Variants in SDK1 observed in about 807,000 individuals in gnomAD.
SDK1 encodes sidekick cell adhesion molecule 1.
In SDK1, 157 loss-of-function variants were observed where a neutral mutation model predicts 245.5. That is an observed-to-expected ratio of 0.64 (90% CI 0.56 to 0.73). The LOEUF is 0.73. Ranked by LOEUF, SDK1 falls within the 30% of genes least tolerant of loss-of-function variation. The probability of loss-of-function intolerance (pLI) is 0.00; values close to 1 mark genes in which losing one functional copy is unlikely to be tolerated. For synonymous variants in SDK1, 1,647 were observed against 1,278.5 expected, an observed-to-expected ratio of 1.29 and a Z score of -6.15; for missense variants, 3,583 against 3,002.3, an observed-to-expected ratio of 1.19 and a Z score of -4.52.
intron 5 of SDK1, among the ~76,000 whole-genome samples, chr7:3,914,653 T>A (rs1779303767): frequency 6.6e-6 from 1 of 152,180 alleles, no homozygotes; most frequent in African/African-American, 2.4e-5. Context: ...CAAAATGATT[T>A]TTTGCTTGAG....
At chr7:3,517,517 G>T (rs1049717058) in intron 1 of SDK1, among the ~76,000 whole-genome samples, 1 of 152,108 alleles carries the variant, frequency 6.6e-6, no homozygotes, top group African/African-American at 2.4e-5. Flanking sequence ...CTTCCTGCAG[G>T]AATGTATTGA....
At chr7:3,805,411 C>T (rs772635969) in intron 4 of SDK1, among the ~76,000 whole-genome samples, 1 of 152,174 alleles carries the variant, frequency 6.6e-6, no homozygotes, top group African/African-American at 2.4e-5. Context: ...GCGGGAGCCT[C>T]TTCAGGTTGA....
chr7:3,619,290 AATACTTGCCT>A, intron 2 of SDK1, 51 bp downstream of exon 2: 1 of 1,510,884 alleles, frequency 6.6e-7, no homozygotes, highest in Non-Finnish European at 9.2e-7. Context: ...ATGTGTTTGG[AATACTTGCCT>A]TACTGGTCAT....
intron 4 of SDK1, among the ~76,000 whole-genome samples, chr7:3,647,592 A>G (rs943609895): frequency 6.7e-6 from 1 of 150,352 alleles, no homozygotes; most frequent in Non-Finnish European, 1.5e-5. Context: ...ATGCCTGGCT[A>G]TTTTTTTTTG....
chr7:3,621,118 C>G (rs899627564), intron 2 of SDK1, among the ~76,000 whole-genome samples: 13 of 152,076 alleles, frequency 8.5e-5, no homozygotes, highest in African/African-American at 3.1e-4. Flanking sequence ...GTGTTGTGAG[C>G]ATTGAAGGCT....
chr7:3,323,631 T>C (rs1213511836), intron 1 of SDK1, among the ~76,000 whole-genome samples: 3 of 152,208 alleles, frequency 2.0e-5, no homozygotes, highest in Admixed American at 2.0e-4. Context: ...AAACCAGCAA[T>C]GGTGTGTCAG....
At chr7:3,623,234 G>A (rs1781999575) in intron 2 of SDK1, among the ~76,000 whole-genome samples, 1 of 146,898 alleles carries the variant, frequency 6.8e-6, no homozygotes, top group Non-Finnish European at 1.5e-5. Flanking sequence ...TGAATTTCAA[G>A]TGTTGTATTT....
chr7:3,880,941 G>C (rs150746950), intron 5 of SDK1, among the ~76,000 whole-genome samples: 121 of 152,178 alleles, frequency 8.0e-4, no homozygotes, highest in African/African-American at 2.8e-3. Flanking sequence ...TACACATGAG[G>C]TACCTGGGAT....
chr7:3,442,447 C>G (rs1780222257), intron 1 of SDK1, among the ~76,000 whole-genome samples: 1 of 152,142 alleles, frequency 6.6e-6, no homozygotes, highest in Non-Finnish European at 1.5e-5. Context: ...AAAGACAGTT[C>G]AGGACATATT....
intron 21 of SDK1, among the ~76,000 whole-genome samples, 156 bp from the exon 22 acceptor site, chr7:4,079,307 C>G (rs937556283): frequency 2.0e-5 from 3 of 152,188 alleles, no homozygotes; most frequent in African/African-American, 7.2e-5. Flanking sequence ...CCTGGGGAAG[C>G]TGTGCTGCTT....
intron 1 of SDK1, among the ~76,000 whole-genome samples, chr7:3,590,712 T>A (rs1222481569): frequency 6.6e-6 from 1 of 152,060 alleles, no homozygotes; most frequent in African/African-American, 2.4e-5. Context: ...TTAAAAATAC[T>A]GATAACAGAG....
intron 1 of SDK1, among the ~76,000 whole-genome samples, chr7:3,355,185 A>T (rs1186058222): frequency 6.6e-6 from 1 of 152,252 alleles, no homozygotes; most frequent in Non-Finnish European, 1.5e-5. Context: ...ATATCTAAAA[A>T]TTGTGAATAT....
At chr7:4,134,559 G>C (rs1251093391) in intron 28 of SDK1, among the ~76,000 whole-genome samples, 2 of 152,214 alleles carry the variant, frequency 1.3e-5, no homozygotes, top group Non-Finnish European at 2.9e-5. Context: ...GCTGTCCCCA[G>C]CATGCTGTGA....
At chr7:4,164,448 G>T (rs1257161743) in intron 32 of SDK1, among the ~76,000 whole-genome samples, 1 of 152,072 alleles carries the variant, frequency 6.6e-6, no homozygotes, top group Non-Finnish European at 1.5e-5. Flanking sequence ...AGGGTCTCCG[G>T]TGGGAGGTTA....
At chr7:4,107,263 C>T (rs113723223) in intron 22 of SDK1, among the ~76,000 whole-genome samples, 5,733 of 152,080 alleles carry the variant, frequency 0.038, 278 homozygotes, top group African/African-American at 0.12. Flanking sequence ...AAGTTGAACC[C>T]GCCAGGCGTC....
chr7:3,971,439 C>T, intron 11 of SDK1, 27 bp from the exon 12 acceptor site: 1 of 1,523,436 alleles, frequency 6.6e-7, no homozygotes, highest in Non-Finnish European at 9.1e-7. Flanking sequence ...GTCATTTCGT[C>T]TGACTCGTGA....
At chr7:3,418,342 A>G (rs1216075845) in intron 1 of SDK1, among the ~76,000 whole-genome samples, 1 of 152,084 alleles carries the variant, frequency 6.6e-6, no homozygotes, top group Non-Finnish European at 1.5e-5. Context: ...CCAAGGCATT[A>G]TACTATGACT....
At chr7:3,770,954 C>T (rs1357192522) in intron 4 of SDK1, among the ~76,000 whole-genome samples, 1 of 152,164 alleles carries the variant, frequency 6.6e-6, no homozygotes, top group East Asian at 1.9e-4. Context: ...GCCAGTTTTC[C>T]TGCTTATTCA....
At chr7:3,429,616 T>TC (rs1779773786) in intron 1 of SDK1, among the ~76,000 whole-genome samples, 1 of 149,808 alleles carries the variant, frequency 6.7e-6, no homozygotes, top group African/African-American at 2.5e-5. Flanking sequence ...TTTTTTTTTT[T>TC]GTCAGGGTCT....
Sources: allele counts gnomAD v4.1 joint callset (sites outside exome capture counted in the v4.1 genomes callset), GRCh38; gene constraint gnomAD v4.1.1; transcripts MANE v1.5; gene names NCBI Gene and HGNC (gene_info 2026-07-23, HGNC 2026-07-21).